ANKFY1: variants seen among roughly 807,000 people sequenced by gnomAD.
The protein encoded by ANKFY1 is ankyrin repeat and FYVE domain-containing protein 1.
A neutral mutation model predicts 128.3 loss-of-function variants in ANKFY1; 47 were observed. The ratio of observed to expected loss-of-function variants is 0.37; its 90% CI spans 0.29 to 0.47. The LOEUF (loss-of-function observed/expected upper bound fraction) is 0.47, where lower values mean the gene tolerates loss of function less well. Ranked by LOEUF, ANKFY1 falls within the 20% of genes least tolerant of loss-of-function variation. The pLI, the probability that ANKFY1 is intolerant of heterozygous loss-of-function variation, is 1.00. For missense variants in ANKFY1, 1,222 were observed against 1,510.6 expected, an observed-to-expected ratio of 0.81 and a Z score of 3.17; for synonymous variants, 553 against 601.6, an observed-to-expected ratio of 0.92 and a Z score of 1.18.
chr17:4,184,005 G>A (rs2059565373), intron 12 of ANKFY1, 95 bp from the exon 13 acceptor site: 1 of 997,902 alleles, frequency 1.0e-6, no homozygotes, highest in East Asian at 2.4e-5. Context: ...TGCCTGTTGG[G>A]TATAATATGA....
At chr17:4,201,522 A>T (rs936149286) in intron 7 of ANKFY1, among the ~76,000 whole-genome samples, 1 of 150,608 alleles carries the variant, frequency 6.6e-6, no homozygotes, top group African/African-American at 2.5e-5. Flanking sequence ...ACTGTCTTAT[A>T]CAAAACAGAA....
In ANKFY1 at chr17:4,178,215, G is replaced by A. The variant is rs1218939293; in HGVS notation, c.2598+642C>T. 2 of 153,926 alleles carry A rather than the reference G, an allele frequency of 1.3e-5. No homozygotes were observed. Among genetic ancestry groups the A allele is most frequent in the South Asian group, 2.0e-4 (1 of 4,954 alleles). 9.5% of individuals were successfully genotyped at this position (153,926 alleles called of 1,614,324 possible). A position where few individuals can be genotyped will look rare whatever the true frequency, so the allele number is the denominator to read the frequency against. ...ACCAAGCAATCATCTCCACCCATGC[G>A]AGGATCTCACTTCACGCGGGTCCCA... is the stretch of plus-strand genomic sequence containing the variant. On this transcript the variant is annotated intron_variant, in intron 18 of 24. Coordinates refer to ENST00000341657, the MANE Select transcript of ANKFY1 (RefSeq NM_001330063.2). The surrounding 1 kb of genome is among the most constrained non-coding windows in gnomAD (Gnocchi z 4.1).
intron 3 of ANKFY1, among the ~76,000 whole-genome samples, chr17:4,220,276 G>T (rs971574130): frequency 2.0e-5 from 3 of 152,162 alleles, no homozygotes; most frequent in African/African-American, 4.8e-5. Flanking sequence ...TTCTAAGCAG[G>T]CTTTGTAAAT....
chr17:4,204,550 T>C (rs79961001), intron 7 of ANKFY1, among the ~76,000 whole-genome samples: 2,617 of 152,316 alleles, frequency 0.017, 72 homozygotes, highest in African/African-American at 0.06. Context: ...GAGTGGAAGG[T>C]TAAATCATCT....
At chr17:4,207,143 CAG>C (rs2060040229) in intron 6 of ANKFY1, among the ~76,000 whole-genome samples, 1 of 152,084 alleles carries the variant, frequency 6.6e-6, no homozygotes, top group Admixed American at 6.5e-5. Context: ...CATCTAACCA[CAG>C]AGGGCCCGAC....
chr17:4,176,410 T>C (rs988757648), intron 19 of ANKFY1, among the ~76,000 whole-genome samples: 2 of 152,222 alleles, frequency 1.3e-5, no homozygotes, highest in African/African-American at 4.8e-5. Flanking sequence ...GTCTCAGCTC[T>C]GGACCTTGTT....
chr17:4,178,787 A>C lies in ANKFY1; in HGVS notation c.2598+70T>G. ...CATGAGGAGACCTGTTTAGTCGGTG[A>C]CATCTGTCTAGTCTCCAGGTTCCGC... On this transcript the variant is annotated intron_variant, in intron 18 of 24. Transcript: ENST00000341657. This position sits in a 1 kb window ranked among gnomAD's most constrained non-coding sequence, Gnocchi z 4.1. 1 of 1,442,922 alleles carries C rather than the reference A, an allele frequency of 6.9e-7. No individual in the cohort carries two copies. The highest frequency in any genetic ancestry group is 9.7e-7 in the Non-Finnish European group (1 of 1,032,606). 89.4% of individuals were successfully genotyped at this position (1,442,922 alleles called of 1,614,324 possible).
At position 4,170,811 on chromosome 17, in the gene ANKFY1, C is replaced by A. The variant is rs759455991; in HGVS notation, c.3190G>T (p.Val1064Phe). 3.1e-6 allele frequency: 5 copies of A among 1,614,130 alleles called. No homozygotes were observed. The highest frequency in any genetic ancestry group is 4.2e-6 in the Non-Finnish European group (5 of 1,180,014). The change falls in exon 23 of 25, where the codon GTC becomes TTC. Residue 1064 changes from valine (V) to phenylalanine (F), a missense_variant. Val to Phe is a conservative substitution (Grantham distance 50). Transcript: ENST00000341657. ...ACCCCGAGGCGAGCCCCCGACCGGA[C>A]GATGGCGCGGCACAAGTTGGCGTTC... ...KGNANLCRAI[V>F]RSGARLGVNN...
intron 3 of ANKFY1, among the ~76,000 whole-genome samples, chr17:4,226,979 T>C (rs990801457): frequency 1.3e-5 from 2 of 152,064 alleles, no homozygotes; most frequent in African/African-American, 2.4e-5. Flanking sequence ...ACAACTTAAA[T>C]AGACATATTT....
At chr17:4,237,112 G>A (rs901737699) in intron 2 of ANKFY1, among the ~76,000 whole-genome samples, 1 of 151,994 alleles carries the variant, frequency 6.6e-6, no homozygotes, top group Admixed American at 6.6e-5. Context: ...CTCCAGCCTG[G>A]GCAACAGAGC....
rs1333783197 is a variant in ANKFY1, at chr17:4,166,882, A to T, written c.*897T>A. On this transcript the variant is annotated 3_prime_UTR_variant, in exon 25 of 25. Coordinates refer to ENST00000341657, the MANE Select transcript of ANKFY1 (RefSeq NM_001330063.2). ...TGGAGATTCGTGTGAGCTGAGGTCCAGTCAAAGCTGATCATTAGAATCACT... is the reference window on the plus strand; with the variant it reads ...TGGAGATTCGTGTGAGCTGAGGTCCTGTCAAAGCTGATCATTAGAATCACT... The T allele has an allele frequency of 6.6e-6, 1 of 152,572 alleles. No individual in the cohort carries two copies. The highest frequency in any genetic ancestry group is 1.5e-5 in the Non-Finnish European group (1 of 68,060). The allele number at this position is 152,572 out of a possible 1,614,324, so 9.5% of individuals were successfully genotyped here.
intron 6 of ANKFY1, 114 bp downstream of exon 6, chr17:4,207,819 C>T (rs1399680245): frequency 8.4e-6 from 9 of 1,072,402 alleles, no homozygotes; most frequent in Non-Finnish European, 1.2e-5. Context: ...AGTAGAAATC[C>T]GTACGTTAAA....
At chr17:4,224,941 GTTTTT>G (rs963635669) in intron 3 of ANKFY1, among the ~76,000 whole-genome samples, 1 of 131,992 alleles carries the variant, frequency 7.6e-6, no homozygotes. Flanking sequence ...TTGAGTTGTC[GTTTTT>G]TTTTTTTTTT....
intron 11 of ANKFY1, among the ~76,000 whole-genome samples, chr17:4,185,902 T>G (rs537064273): frequency 3.1e-4 from 47 of 152,230 alleles, no homozygotes; most frequent in Admixed American, 5.9e-4. Context: ...GGCCGTCGCT[T>G]CTTCTTTAGC....
intron 1 of ANKFY1, among the ~76,000 whole-genome samples, chr17:4,257,036 A>G (rs1269791035): frequency 2.0e-5 from 3 of 152,198 alleles, no homozygotes; most frequent in Admixed American, 1.3e-4. Flanking sequence ...GGCAAAGCAA[A>G]TATGTCCAAA....
At chr17:4,180,640 G>A (rs1418092579) in intron 16 of ANKFY1, among the ~76,000 whole-genome samples, 16 of 149,264 alleles carry the variant, frequency 1.1e-4, no homozygotes, top group Middle Eastern at 3.5e-3. Flanking sequence ...GGAGGCGGGC[G>A]CCTGTAGTCC....
intron 4 of ANKFY1, among the ~76,000 whole-genome samples, chr17:4,215,285 T>A (rs1271097305): frequency 7.5e-4 from 45 of 59,628 alleles, no homozygotes; most frequent in African/African-American, 1.5e-3. Flanking sequence ...GAGGCTGTCT[T>A]CTAAAAAAAA....
At chr17:4,246,267 C>G (rs1453099695) in intron 1 of ANKFY1, among the ~76,000 whole-genome samples, 1 of 152,142 alleles carries the variant, frequency 6.6e-6, no homozygotes. Context: ...TTGTTTGTAG[C>G]ATACTGGACC....
At chr17:4,229,843 C>T (rs2060485469) in intron 3 of ANKFY1, among the ~76,000 whole-genome samples, 1 of 152,206 alleles carries the variant, frequency 6.6e-6, no homozygotes, top group Admixed American at 6.5e-5. Flanking sequence ...ACAGTGCCTT[C>T]GATGAAGCCA....
Sources: allele counts gnomAD v4.1 joint callset (sites outside exome capture counted in the v4.1 genomes callset), GRCh38; gene constraint gnomAD v4.1.1; non-coding constraint Gnocchi (gnomAD v3.1); transcripts MANE v1.5; gene names NCBI Gene and HGNC (gene_info 2026-07-23, HGNC 2026-07-21).